PIEZO2: variants seen among roughly 807,000 people sequenced by gnomAD.
PIEZO2 encodes the protein piezo type mechanosensitive ion channel component 2, also known as piezo-type mechanosensitive ion channel component 2.
Under a neutral mutation model 337.3 loss-of-function variants are expected in PIEZO2, and 172 were observed. The observed-to-expected ratio is 0.51, with a 90% CI of 0.45 to 0.58. PIEZO2 has a LOEUF of 0.58. Ranked by LOEUF, PIEZO2 falls within the 20% of genes least tolerant of loss-of-function variation. The probability of loss-of-function intolerance (pLI) is 0.00; values close to 1 mark genes in which losing one functional copy is unlikely to be tolerated. For synonymous variants in PIEZO2, 1,251 were observed against 1,228.5 expected, an observed-to-expected ratio of 1.02 and a Z score of -0.38; for missense variants, 3,028 against 3,391.3, an observed-to-expected ratio of 0.89 and a Z score of 2.66.
intron 5 of PIEZO2, among the ~76,000 whole-genome samples, chr18:10,869,351 C>T (rs1346197984): frequency 1.3e-5 from 2 of 152,188 alleles, no homozygotes; most frequent in African/African-American, 2.4e-5. Context: ...ATAATGCATG[C>T]GGGGCTTGAA....
chr18:10,916,977 C>T (rs2031027172), intron 3 of PIEZO2, among the ~76,000 whole-genome samples: 1 of 152,114 alleles, frequency 6.6e-6, no homozygotes. Context: ...ATGATGAATT[C>T]TGGAAGCCTG....
chr18:10,997,625 T>C (rs1031760816), intron 2 of PIEZO2, among the ~76,000 whole-genome samples: 1 of 152,166 alleles, frequency 6.6e-6, no homozygotes, highest in Non-Finnish European at 1.5e-5. Context: ...ACACTGTATC[T>C]GAAATTAAAC....
Position 10,770,306 on chromosome 18 carries a change from A to C in PIEZO2, c.2788T>G (p.Leu930Val). The C allele has an allele frequency of 1.3e-6, 2 of 1,536,446 alleles. No individual in the cohort carries two copies. The highest frequency in any genetic ancestry group is 1.7e-6 in the Non-Finnish European group (2 of 1,146,538). ...ATCACCAGGTGCCATTTGTTCCTTA[A>C]GTCTGCAAAATAGGAAGTACAGACA... ...ESEEEEETSD[L>V]RNKWHLVIDR... Residue 930 changes from leucine (L) to valine (V), a missense_variant and splice_region_variant, in exon 21 of 56, where the codon TTA (leucine) becomes GTA (valine). Leu to Val is a conservative substitution (Grantham distance 32). Around this residue, in one of 5 missense-constraint regions of PIEZO2, gnomAD observed 1,925 missense variants for 2,051.9 expected, o/e 0.94. Transcript: ENST00000674853.
intron 2 of PIEZO2, among the ~76,000 whole-genome samples, chr18:11,023,969 C>T (rs929199747): frequency 6.6e-6 from 1 of 152,186 alleles, no homozygotes; most frequent in South Asian, 2.1e-4. Context: ...CACGCCCACC[C>T]GTAACTCCAG....
intron 3 of PIEZO2, among the ~76,000 whole-genome samples, chr18:10,922,236 A>T (rs1311568354): frequency 6.6e-6 from 1 of 152,112 alleles, no homozygotes; most frequent in Non-Finnish European, 1.5e-5. Context: ...TCTCCCCTGG[A>T]TGCCCAGCTT....
intron 14 of PIEZO2, 114 bp from the exon 15 acceptor site, chr18:10,789,479 T>G (rs906722442): frequency 1.6e-6 from 2 of 1,256,090 alleles, no homozygotes; most frequent in African/African-American, 3.0e-5. Flanking sequence ...TATTGTATAA[T>G]TTGGATGATT....
At chr18:10,849,321 A>G (rs1051158218) in intron 7 of PIEZO2, among the ~76,000 whole-genome samples, 6 of 152,304 alleles carry the variant, frequency 3.9e-5, no homozygotes, top group Non-Finnish European at 8.8e-5. Context: ...CCCTCTCCCA[A>G]TCCAGAATTT....
chr18:10,811,745 C>T (rs114455233), intron 7 of PIEZO2, among the ~76,000 whole-genome samples: 281 of 152,314 alleles, frequency 1.8e-3, no homozygotes, highest in African/African-American at 6.6e-3. Context: ...TCTCTACTGG[C>T]TATTAACAAA....
chr18:11,093,384 A>T (rs2039156706), intron 1 of PIEZO2, among the ~76,000 whole-genome samples: 1 of 152,132 alleles, frequency 6.6e-6, no homozygotes, highest in Non-Finnish European at 1.5e-5. Flanking sequence ...TAACAATATA[A>T]TTTTTCCATC....
chr18:11,076,404 T>C (rs899252833), intron 1 of PIEZO2, among the ~76,000 whole-genome samples: 3 of 152,346 alleles, frequency 2.0e-5, no homozygotes, highest in Non-Finnish European at 2.9e-5. Flanking sequence ...CCTAAAATTT[T>C]GAAACCAATC....
intron 7 of PIEZO2, among the ~76,000 whole-genome samples, chr18:10,816,419 C>A (rs947687984): frequency 2.6e-5 from 4 of 152,066 alleles, no homozygotes; most frequent in Non-Finnish European, 5.9e-5. Context: ...ATAATGGCAA[C>A]CCTAGTAGTA....
chr18:11,072,643 A>C (rs2038385723), intron 1 of PIEZO2, among the ~76,000 whole-genome samples: 1 of 152,224 alleles, frequency 6.6e-6, no homozygotes, highest in Non-Finnish European at 1.5e-5. Flanking sequence ...TCATCATTTT[A>C]CAAAGTCTTT....
chr18:10,795,460 A>G lies in PIEZO2; in HGVS notation c.1528-458T>C, dbSNP rs2039565519. The stretch of plus-strand genomic sequence containing the variant: ...GACCAAACTTATCTGGCTTAGAGAG[A>G]AAAAAAAATGGTATACTCCTGTGAG... On this transcript the variant is annotated intron_variant, in intron 12 of 55. Transcript: ENST00000674853. This position sits in a 1 kb window ranked among gnomAD's most constrained non-coding sequence, Gnocchi z 4.4. Among the ~76,000 whole-genome samples the G allele has an allele frequency of 6.7e-6, 1 of 150,158 alleles. No individual in the cohort carries two copies. The highest frequency in any genetic ancestry group is 6.7e-5 in the Admixed American group (1 of 15,006).
At chr18:10,946,245 GACAA>G (rs746218136) in intron 3 of PIEZO2, among the ~76,000 whole-genome samples, 4 of 152,134 alleles carry the variant, frequency 2.6e-5, no homozygotes, top group Non-Finnish European at 4.4e-5. Context: ...GTTGCAGGCA[GACAA>G]ACAAAGATAG....
At position 11,131,170 on chromosome 18, in the gene PIEZO2, A is replaced by T. The variant is rs1482212875; in HGVS notation, c.64+17355T>A. On this transcript the variant is annotated intron_variant, in intron 1 of 55. Coordinates refer to ENST00000674853, the MANE Select transcript of PIEZO2 (RefSeq NM_001378183.1). This position sits in a 1 kb window ranked among gnomAD's most constrained non-coding sequence, Gnocchi z 5.3. The stretch of plus-strand genomic sequence containing the variant: ...ATGTTTGACTATCGGTCATCAAGTC[A>T]CCATGCGACCTTAACTGCCTATCAT... Among the ~76,000 whole-genome samples, 1 of 152,222 alleles carries T rather than the reference A, an allele frequency of 6.6e-6. No individual in the cohort carries two copies. The highest frequency in any genetic ancestry group is 2.4e-5 in the African/African-American group (1 of 41,452).
chr18:10,881,612 T>C (rs780500973), intron 4 of PIEZO2, among the ~76,000 whole-genome samples: 1 of 152,176 alleles, frequency 6.6e-6, no homozygotes, highest in East Asian at 1.9e-4. Flanking sequence ...AGTGGGAGCA[T>C]CAGATCATGG....
rs547222708 is a variant in PIEZO2, at chr18:11,026,969, G to T, written c.160+39158C>A. On this transcript the variant is annotated intron_variant, in intron 2 of 55. Transcript: ENST00000674853. ...AATCTATCACATCACTTGAACTAAT[G>T]GGAGCGCTCGTCTCCAAGCTCTGCA... 8.5e-4 allele frequency among the ~76,000 whole-genome samples: 130 copies of T among 152,282 alleles called. 3 individuals carry two copies. The South Asian group carries it at 0.025, about 30-fold the overall frequency.
rs964889684 is a variant in PIEZO2, at chr18:11,127,251, G to A, written c.64+21274C>T. Among the ~76,000 whole-genome samples the A allele has an allele frequency of 7.2e-5, 11 of 152,256 alleles. 1 individual carries two copies. The highest frequency in any genetic ancestry group is 3.9e-4 in the Admixed American group (6 of 15,282). On this transcript the variant is annotated intron_variant, in intron 1 of 55. Transcript: ENST00000674853. The surrounding 1 kb of genome is among the most constrained non-coding windows in gnomAD (Gnocchi z 4.5). ...TTTAGGCTGAGATATAGGAGGAAACGCTCATCAGAGCACACAGCCACTGCA... is the reference window on the plus strand; with the variant it reads ...TTTAGGCTGAGATATAGGAGGAAACACTCATCAGAGCACACAGCCACTGCA...
At chr18:10,925,442 C>T (rs894378827) in intron 3 of PIEZO2, among the ~76,000 whole-genome samples, 7 of 151,910 alleles carry the variant, frequency 4.6e-5, no homozygotes, top group Non-Finnish European at 8.8e-5. Flanking sequence ...CAGTAGGATA[C>T]GGCAGTAAAC....
Sources: gnomAD v4.1 joint callset for allele counts (sites outside exome capture counted in the v4.1 genomes callset) on GRCh38, gnomAD v4.1.1 for gene constraint, gnomAD v4.1.1 regional missense constraint, Gnocchi (gnomAD v3.1) non-coding constraint, MANE v1.5 for transcripts, NCBI Gene and HGNC (gene_info 2026-07-23, HGNC 2026-07-21) for gene names.